The following GRIK2 variants were observed in gnomAD, a reference collection of about 807,000 sequenced individuals.
GRIK2 encodes glutamate ionotropic receptor kainate type subunit 2.
Under a neutral mutation model 100.3 loss-of-function variants are expected in GRIK2, and 32 were observed. That is an observed-to-expected ratio of 0.32 (90% confidence interval 0.24 to 0.43). The LOEUF is 0.43. Among genes scored for constraint, GRIK2 ranks in the 20% least tolerant of loss-of-function variants. GRIK2 has a pLI of 1.00. For synonymous variants in GRIK2, 417 were observed against 389.4 expected (o/e 1.07, Z -0.83); for missense variants, 843 against 1,114.9 (o/e 0.76, Z 3.47).
intron 7 of GRIK2, among the ~76,000 whole-genome samples, chr6:101,742,345 A>G: frequency 6.6e-6 from 1 of 152,100 alleles, no homozygotes. Context: ...TATTTGTGGG[A>G]TAAAGAATCA....
chr6:101,700,569 T>G lies in GRIK2; in HGVS notation c.951+14216T>G, dbSNP rs1337409. 9.9e-3 allele frequency among the ~76,000 whole-genome samples: 1,503 copies of G among 152,238 alleles called. 20 individuals carry two copies. Among genetic ancestry groups the G allele is most frequent in the African/African-American group, 0.033 (1,367 of 41,574 alleles). On this transcript the variant is annotated intron_variant, in intron 7 of 16. Transcript: ENST00000369134. ...AGATATGTTTGCCTTACACTAACTC[T>G]AAGTCTCACAAAAATGCTGTAGGAT...
intron 2 of GRIK2, among the ~76,000 whole-genome samples, chr6:101,567,152 A>G (rs1434664638): frequency 1.3e-5 from 2 of 151,764 alleles, no homozygotes; most frequent in Admixed American, 6.6e-5. Context: ...TGCCCTGTCC[A>G]CTGTAGTAGG....
At chr6:101,732,029 T>C (rs1775307832) in intron 7 of GRIK2, among the ~76,000 whole-genome samples, 1 of 152,086 alleles carries the variant, frequency 6.6e-6, no homozygotes, top group Non-Finnish European at 1.5e-5. Context: ...TCTTGAACAT[T>C]ACAAAAGATA....
At chr6:101,586,909 AAAAAGAG>A (rs1334743543) in intron 2 of GRIK2, among the ~76,000 whole-genome samples, 4 of 150,366 alleles carry the variant, frequency 2.7e-5, no homozygotes, top group East Asian at 3.9e-4. Flanking sequence ...AAAAAAAAAA[AAAAAGAG>A]AGATATCAAA....
At chr6:101,863,586 A>G (rs1022143099) in intron 11 of GRIK2, among the ~76,000 whole-genome samples, 2 of 152,206 alleles carry the variant, frequency 1.3e-5, no homozygotes, top group African/African-American at 4.8e-5. Context: ...GCAAAATTTC[A>G]GAATATCCTT....
intron 7 of GRIK2, among the ~76,000 whole-genome samples, chr6:101,787,347 C>T (rs1057063204): frequency 3.3e-5 from 5 of 151,070 alleles, no homozygotes; most frequent in Non-Finnish European, 7.4e-5. Flanking sequence ...TCTACTAATA[C>T]TAGGTTTGAT....
intron 10 of GRIK2, among the ~76,000 whole-genome samples, chr6:101,820,566 T>C (rs2038842): frequency 0.27 from 41,285 of 151,928 alleles, 7,559 homozygotes; most frequent in East Asian, 0.67. Flanking sequence ...CTGCCTCAGC[T>C]TCCTGAGTAG....
intron 4 of GRIK2, among the ~76,000 whole-genome samples, chr6:101,652,211 A>C (rs967929376): frequency 1.3e-5 from 2 of 152,126 alleles, no homozygotes; most frequent in Non-Finnish European, 2.9e-5. Context: ...CTCTCATCCC[A>C]GTGTTATTGC....
chr6:101,444,770 C>T (rs1770271170), intron 2 of GRIK2, among the ~76,000 whole-genome samples: 1 of 152,088 alleles, frequency 6.6e-6, no homozygotes. Context: ...GCTCACTACT[C>T]CTTGCCTCAT....
At chr6:101,865,732 C>CA (rs938732062) in intron 11 of GRIK2, among the ~76,000 whole-genome samples, 2 of 151,544 alleles carry the variant, frequency 1.3e-5, no homozygotes, top group Admixed American at 6.6e-5. Context: ...ACTAAAAATA[C>CA]AAAAAAGTTA....
At chr6:102,012,934 G>T (rs536137987) in intron 14 of GRIK2, among the ~76,000 whole-genome samples, 24 of 152,150 alleles carry the variant, frequency 1.6e-4, no homozygotes, top group Admixed American at 1.5e-3. Flanking sequence ...TTGGTTCCAT[G>T]TGAATTTTAA....
chr6:101,477,067 T>G (rs1772274614), intron 2 of GRIK2, among the ~76,000 whole-genome samples: 1 of 152,192 alleles, frequency 6.6e-6, no homozygotes, highest in Non-Finnish European at 1.5e-5. Context: ...TACCCTAAGA[T>G]TCTACCTAGT....
chr6:101,900,516 A>G (rs1490873453), intron 12 of GRIK2, among the ~76,000 whole-genome samples: 3 of 152,168 alleles, frequency 2.0e-5, no homozygotes, highest in Non-Finnish European at 4.4e-5. Context: ...CAAAAGTAAT[A>G]CATGATTTCC....
chr6:101,498,709 G>C (rs1159620401), intron 2 of GRIK2, among the ~76,000 whole-genome samples: 2 of 151,732 alleles, frequency 1.3e-5, no homozygotes, highest in African/African-American at 4.8e-5. Flanking sequence ...ACTTTTTGAT[G>C]GGGTTGTTTG....
chr6:101,571,259 C>G (rs771630769), intron 2 of GRIK2, among the ~76,000 whole-genome samples: 3 of 151,916 alleles, frequency 2.0e-5, no homozygotes, highest in African/African-American at 7.3e-5. Context: ...TTTGCTGCAC[C>G]CATCACCCCA....
intron 2 of GRIK2, among the ~76,000 whole-genome samples, chr6:101,418,393 A>G (rs1490266432): frequency 6.6e-6 from 1 of 152,172 alleles, no homozygotes; most frequent in East Asian, 1.9e-4. Flanking sequence ...GACTGGTACT[A>G]GATTACGTAT....
At chr6:101,890,839 T>A (rs1051882060) in intron 12 of GRIK2, among the ~76,000 whole-genome samples, 1 of 151,884 alleles carries the variant, frequency 6.6e-6, no homozygotes, top group African/African-American at 2.4e-5. Context: ...TCTATTGACA[T>A]GGAGTTAAGC....
intron 7 of GRIK2, among the ~76,000 whole-genome samples, chr6:101,694,217 G>A (rs991306757): frequency 3.3e-5 from 5 of 152,062 alleles, no homozygotes; most frequent in African/African-American, 7.2e-5. Flanking sequence ...AGGTAACAAG[G>A]CATTGAACTT....
rs373961942 is a variant in GRIK2, at chr6:101,802,311, A to G, written c.1096-20A>G. On this transcript the variant is annotated intron_variant, in intron 8 of 16. Coordinates refer to ENST00000369134, the MANE Select transcript of GRIK2 (RefSeq NM_021956.5). ...ATCTTTCTTCACTTATTTATTATCA[A>G]TGTTTTTCTATTCCCATAGGCACAT... The G allele has an allele frequency of 6.7e-4, 674 of 1,013,084 alleles. 2 individuals are homozygous for G. Among genetic ancestry groups the G allele is most frequent in the Non-Finnish European group, 5.6e-4 (384 of 680,938 alleles). 62.8% of individuals were successfully genotyped at this position (1,013,084 alleles called of 1,614,324 possible). A position where few individuals can be genotyped will look rare whatever the true frequency, so the allele number is the denominator to read the frequency against.
Sources: gnomAD v4.1 joint callset for allele counts (sites outside exome capture counted in the v4.1 genomes callset) on GRCh38, gnomAD v4.1.1 for gene constraint, MANE v1.5 for transcripts, NCBI Gene and HGNC (gene_info 2026-07-23, HGNC 2026-07-21) for gene names.